MCPH1: variants seen among roughly 807,000 people sequenced by gnomAD.
MCPH1 encodes the protein microcephalin.
A neutral mutation model predicts 84.5 loss-of-function variants in MCPH1; 104 were observed. The observed-to-expected ratio is 1.23, with a 90% CI of 1.05 to 1.45. MCPH1 has a LOEUF of 1.45. Ranked by LOEUF, MCPH1 falls within the 40% of genes most tolerant of loss-of-function variation. The pLI, the probability that MCPH1 is intolerant of heterozygous loss-of-function variation, is 0.00. For synonymous variants in MCPH1, 514 were observed against 366.8 expected (o/e 1.40, Z -4.58); for missense variants, 1,498 against 1,005.7 (o/e 1.49, Z -6.62).
intron 12 of MCPH1, among the ~76,000 whole-genome samples, chr8:6,530,070 T>C (rs1381643500): frequency 6.6e-6 from 1 of 152,174 alleles, no homozygotes; most frequent in Non-Finnish European, 1.5e-5. Context: ...TTTTAAAATA[T>C]AAGAAATGTT....
At chr8:6,508,574 T>G (rs1377677806) in intron 12 of MCPH1, 12 of 424,154 alleles carry the variant, frequency 2.8e-5, no homozygotes, top group African/African-American at 1.2e-4. Flanking sequence ...TTGTGGTTGC[T>G]ACTTGGAATT....
intron 12 of MCPH1, chr8:6,514,574 A>T: frequency 1.0e-6 from 1 of 1,004,772 alleles, no homozygotes; most frequent in Non-Finnish European, 1.5e-6. Flanking sequence ...ACCATGTCAA[A>T]AGTCATTGGT....
chr8:6,535,565 A>C lies in MCPH1; in HGVS notation c.2214+35636A>C, dbSNP rs560720323. Reference sequence around the variant, plus strand: ...GATTACAAATACACATGATGTGTGTATATACAGATAGGTATATAGCATATA... The same window carrying C: ...GATTACAAATACACATGATGTGTGTCTATACAGATAGGTATATAGCATATA... On this transcript the variant is annotated intron_variant, in intron 12 of 13. Transcript: ENST00000344683. 7.2e-5 allele frequency among the ~76,000 whole-genome samples: 11 copies of C among 152,336 alleles called. No homozygotes were observed. The East Asian group carries it at 2.1e-3, about 29-fold the overall frequency.
chr8:6,477,465 G>GA (rs1157695925), intron 9 of MCPH1, 129 bp from the exon 10 acceptor site: 23 of 780,402 alleles, frequency 2.9e-5, no homozygotes, highest in Admixed American at 2.0e-4. Context: ...TTTTTTCTTT[G>GA]ACATATGCTT....
chr8:6,428,019 C>G (rs2129553540), intron 3 of MCPH1, among the ~76,000 whole-genome samples: 1 of 152,118 alleles, frequency 6.6e-6, no homozygotes, highest in South Asian at 2.1e-4. Flanking sequence ...CCTTGAACCA[C>G]TGACCTCCCG....
rs191912430 is a variant in MCPH1, at chr8:6,608,584, G to A, written c.2215-12870G>A. On this transcript the variant is annotated intron_variant, in intron 12 of 13. Transcript: ENST00000344683. ...AGATTATTGTTAGAGATATGGACCC[G>A]CTTGCTCTTCTGAGCCTCCGTGATT... Among the ~76,000 whole-genome samples, 245 of 152,288 alleles carry A rather than the reference G, an allele frequency of 1.6e-3. 1 individual carries two copies. The highest frequency in any genetic ancestry group is 2.5e-3 in the Non-Finnish European group (172 of 68,026).
At chr8:6,443,173 G>A (rs1563214686) in intron 7 of MCPH1, among the ~76,000 whole-genome samples, 1 of 152,182 alleles carries the variant, frequency 6.6e-6, no homozygotes, top group Non-Finnish European at 1.5e-5. Context: ...GGACACAGAG[G>A]TCAAACAGCT....
intron 13 of MCPH1, among the ~76,000 whole-genome samples, chr8:6,640,422 G>T (rs908066182): frequency 6.6e-6 from 1 of 152,070 alleles, no homozygotes; most frequent in Non-Finnish European, 1.5e-5. Context: ...TAAAAAAATA[G>T]ATCTCATTAA....
intron 13 of MCPH1, 129 bp from the exon 14 acceptor site, chr8:6,642,865 G>T: frequency 2.5e-6 from 2 of 793,092 alleles, no homozygotes; most frequent in Non-Finnish European, 4.3e-6. Flanking sequence ...GGACGTGGGG[G>T]GGCCTATGGA....
At chr8:6,532,427 C>T (rs748039365) in intron 12 of MCPH1, 9 of 1,614,012 alleles carry the variant, frequency 5.6e-6, no homozygotes, top group African/African-American at 2.7e-5. Flanking sequence ...TGGTTCTGTA[C>T]TGCATTCTGC....
intron 11 of MCPH1, among the ~76,000 whole-genome samples, chr8:6,482,066 T>G (rs892829670): frequency 1.3e-5 from 2 of 152,174 alleles, no homozygotes; most frequent in Admixed American, 6.5e-5. Flanking sequence ...TGCCCTCACT[T>G]AGTAGCCATC....
intron 12 of MCPH1, among the ~76,000 whole-genome samples, chr8:6,589,484 C>A (rs1828272144): frequency 2.0e-5 from 3 of 152,190 alleles, no homozygotes; most frequent in Non-Finnish European, 4.4e-5. Context: ...GCGTGCATTG[C>A]TCTGCATGTC....
rs1486323671 is a variant in MCPH1 at position 6,510,560 on chromosome 8, C to T, written c.2214+10631C>T. On this transcript the variant is annotated intron_variant, in intron 12 of 13. Transcript: ENST00000344683. ...CTTACACCTGCATGCACACTGGATGCTTATAACCACCTGCAGTGGTGGCCG... is the reference window on the plus strand; with the variant it reads ...CTTACACCTGCATGCACACTGGATGTTTATAACCACCTGCAGTGGTGGCCG... Among the ~76,000 whole-genome samples the T allele has an allele frequency of 2.0e-5, 3 of 152,212 alleles. No individual in the cohort carries two copies. In the East Asian group the frequency reaches 5.8e-4, roughly 29 times the overall value.
In MCPH1 at chr8:6,442,208, T is replaced by C. The variant is rs775294583; in HGVS notation, c.670+52T>C. On this transcript the variant is annotated intron_variant, in intron 7 of 13. Transcript: ENST00000344683. ...ATATGTTTAAGTTTTGAGAATAATATGATTTTCTGATTTAGAATTTCATGT... is the reference window on the plus strand; with the variant it reads ...ATATGTTTAAGTTTTGAGAATAATACGATTTTCTGATTTAGAATTTCATGT... The C allele has an allele frequency of 6.1e-6, 7 of 1,145,012 alleles. No individual in the cohort carries two copies. The Admixed American group carries it at 7.2e-5, about 12-fold the overall frequency. The allele number at this position is 1,145,012 out of a possible 1,614,324, so 70.9% of individuals were successfully genotyped here. A position where few individuals can be genotyped will look rare whatever the true frequency, so the allele number is the denominator to read the frequency against.
At chr8:6,415,543 G>T (rs12114547) in intron 3 of MCPH1, among the ~76,000 whole-genome samples, 9 of 151,812 alleles carry the variant, frequency 5.9e-5, no homozygotes, top group Non-Finnish European at 1.2e-4. Flanking sequence ...TGGTAGAGAC[G>T]GGGTTTTATC....
intron 12 of MCPH1, among the ~76,000 whole-genome samples, chr8:6,550,586 C>T (rs1823466975): frequency 6.6e-6 from 1 of 152,144 alleles, no homozygotes; most frequent in Non-Finnish European, 1.5e-5. Flanking sequence ...GGTGTGACAG[C>T]TGTGGGCTGT....
rs143685447 is a variant in MCPH1 at position 6,544,400 on chromosome 8, T to A, written c.2214+44471T>A. On this transcript the variant is annotated intron_variant, in intron 12 of 13. Transcript: ENST00000344683. ...GAACTGCACATGGTGATTATGACTTTGGGCAAATCACTGAACTTGTAATTA... is the reference window on the plus strand; with the variant it reads ...GAACTGCACATGGTGATTATGACTTAGGGCAAATCACTGAACTTGTAATTA... 3.8e-3 allele frequency among the ~76,000 whole-genome samples: 585 copies of A among 152,354 alleles called. 7 individuals carry two copies. The highest frequency in any genetic ancestry group is 0.013 in the African/African-American group (554 of 41,580).
At chr8:6,485,879 C>G (rs757358025) in intron 11 of MCPH1, among the ~76,000 whole-genome samples, 1 of 152,106 alleles carries the variant, frequency 6.6e-6, no homozygotes. Context: ...CACGATGACT[C>G]TCGCTGGCAC....
chr8:6,440,446 A>G (rs1803340050), intron 6 of MCPH1, among the ~76,000 whole-genome samples: 1 of 152,198 alleles, frequency 6.6e-6, no homozygotes, highest in Non-Finnish European at 1.5e-5. Flanking sequence ...CAGGCAGGAC[A>G]TGCACTCCTG....
Sources: gnomAD v4.1 joint callset for allele counts (sites outside exome capture counted in the v4.1 genomes callset) on GRCh38, gnomAD v4.1.1 for gene constraint, MANE v1.5 for transcripts, NCBI Gene and HGNC (gene_info 2026-07-23, HGNC 2026-07-21) for gene names.